Variants in RALGAPA2 observed in about 807,000 individuals in gnomAD.
RALGAPA2 encodes the protein ral GTPase-activating protein subunit alpha-2.
A neutral mutation model predicts 230.4 loss-of-function variants in RALGAPA2; 139 were observed. That is an observed-to-expected ratio of 0.60 (90% CI 0.53 to 0.69). RALGAPA2 has a LOEUF of 0.69. Ranked by LOEUF, RALGAPA2 falls within the 30% of genes least tolerant of loss-of-function variation. The probability of loss-of-function intolerance (pLI) is 0.00; values close to 1 mark genes in which losing one functional copy is unlikely to be tolerated. For synonymous variants in RALGAPA2, 847 were observed against 837.8 expected (o/e 1.01, Z -0.19); for missense variants, 2,163 against 2,276.0 (o/e 0.95, Z 1.01).
intron 26 of RALGAPA2, among the ~76,000 whole-genome samples, chr20:20,534,101 G>C (rs543613102): frequency 3.3e-5 from 5 of 152,058 alleles, no homozygotes. Context: ...TACACAAAAC[G>C]TGTCAGAGAT....
At chr20:20,488,863 A>G (rs1363821527) in intron 36 of RALGAPA2, among the ~76,000 whole-genome samples, 1 of 152,254 alleles carries the variant, frequency 6.6e-6, no homozygotes, top group Non-Finnish European at 1.5e-5. Context: ...AGTACCTGGC[A>G]TGAAGCAGCC....
At position 20,495,270 on chromosome 20, in the gene RALGAPA2, A is replaced by G; in HGVS notation, c.5214T>C (p.Arg1738=). The G allele has an allele frequency of 2.6e-6, 4 of 1,521,592 alleles. No individual in the cohort carries two copies. The South Asian group carries it at 3.8e-5, about 15-fold the overall frequency. 94.3% of individuals were successfully genotyped at this position (1,521,592 alleles called of 1,614,324 possible). A position where few individuals can be genotyped will look rare whatever the true frequency, so the allele number is the denominator to read the frequency against. ...TATGGACCTCGTCATTCCCCAAGTG[A>G]CGAAGCTGCAACAGCAAATTGACTG... ...DSDDSLTKKL[R]HLGNDEVHIV... The change falls in exon 36 of 40, where the codon CGT becomes CGC. Residue 1738 remains arginine (R), a synonymous_variant. Transcript: ENST00000202677.
rs1299248916 is a variant in RALGAPA2 at position 20,625,390 on chromosome 20, A to G, written c.1233+3973T>C. Among the ~76,000 whole-genome samples, 3 of 152,340 alleles carry G rather than the reference A, an allele frequency of 2.0e-5. No homozygotes were observed. The East Asian group carries it at 5.8e-4, about 29-fold the overall frequency. ...TGCTTTTGCTTTCTCCTCTATAATT[A>G]CATATACAGAGAGACTTTGTTTATC... On this transcript the variant is annotated intron_variant, in intron 10 of 39. Transcript: ENST00000202677.
At chr20:20,550,681 C>A (rs2063899105) in intron 23 of RALGAPA2, among the ~76,000 whole-genome samples, 1 of 152,316 alleles carries the variant, frequency 6.6e-6, no homozygotes, top group Admixed American at 6.5e-5. Context: ...CCTTGTGTGA[C>A]TGTGGGCAGA....
In RALGAPA2 at chr20:20,512,558, C is replaced by T. The variant is rs1372580171; in HGVS notation, c.4811G>A (p.Cys1604Tyr). 1 of 1,612,534 alleles carries T rather than the reference C, an allele frequency of 6.2e-7. No individual in the cohort carries two copies. Among genetic ancestry groups the T allele is most frequent in the South Asian group, 1.1e-5 (1 of 90,686 alleles). Reference protein sequence around the residue: ...PVEPRGPFYFCRLLLDDLGMN... With the variant: ...PVEPRGPFYFYRLLLDDLGMN... Reference sequence around the variant, plus strand: ...TCCCAAGTCATCAAGCAATAACCTGCAGAAATAAAAGGGTCCTCGGGGCTC... The same window carrying T: ...TCCCAAGTCATCAAGCAATAACCTGTAGAAATAAAAGGGTCCTCGGGGCTC... The change falls in exon 32 of 40, where the codon TGC (cysteine) becomes TAC (tyrosine). Residue 1604 changes from cysteine (C) to tyrosine (Y), a missense_variant. Coordinates refer to ENST00000202677, the MANE Select transcript of RALGAPA2 (RefSeq NM_020343.4).
intron 3 of RALGAPA2, among the ~76,000 whole-genome samples, chr20:20,663,164 G>C (rs1170867793): frequency 1.3e-5 from 2 of 152,256 alleles, no homozygotes; most frequent in African/African-American, 4.8e-5. Context: ...TGCTTAGCAG[G>C]ATACTCCACT....
At chr20:20,646,055 C>CTT (rs386393507) in intron 4 of RALGAPA2, among the ~76,000 whole-genome samples, 89 of 145,896 alleles carry the variant, frequency 6.1e-4, no homozygotes, top group Non-Finnish European at 1.7e-4. Context: ...CTCTGTAGGG[C>CTT]TTTTTTTTTT....
intron 3 of RALGAPA2, among the ~76,000 whole-genome samples, chr20:20,665,155 C>T (rs900001270): frequency 2.0e-5 from 3 of 152,170 alleles, no homozygotes; most frequent in African/African-American, 4.8e-5. Context: ...GAGAAAAAAG[C>T]TCTCTACATG....
At chr20:20,520,806 C>T in intron 31 of RALGAPA2, 111 bp downstream of exon 31, 1 of 937,688 alleles carries the variant, frequency 1.1e-6, no homozygotes, top group Non-Finnish European at 1.5e-6. Context: ...ACTCCAGGAA[C>T]TAGGATTTCA....
intron 13 of RALGAPA2, 67 bp downstream of exon 13, chr20:20,615,976 C>T: frequency 2.5e-6 from 3 of 1,193,976 alleles, no homozygotes; most frequent in South Asian, 2.2e-5. Context: ...CAAGCCTTAA[C>T]ATTTTAATTA....
intron 37 of RALGAPA2, among the ~76,000 whole-genome samples, chr20:20,438,227 T>C (rs565769356): frequency 6.6e-6 from 1 of 152,340 alleles, no homozygotes; most frequent in East Asian, 1.9e-4. Flanking sequence ...CGCATTATAT[T>C]GTTACCAGTG....
intron 20 of RALGAPA2, among the ~76,000 whole-genome samples, chr20:20,574,837 A>T: frequency 6.6e-6 from 1 of 152,176 alleles, no homozygotes; most frequent in South Asian, 2.1e-4. Context: ...TGGATTCCAC[A>T]TCTCCAACCT....
intron 36 of RALGAPA2, among the ~76,000 whole-genome samples, chr20:20,490,903 C>T (rs1216829060): frequency 6.6e-6 from 1 of 151,696 alleles, no homozygotes; most frequent in African/African-American, 2.4e-5. Flanking sequence ...CACTCACACT[C>T]ACTCACTCAC....
chr20:20,396,989 G>C (rs2059732981), intron 38 of RALGAPA2, among the ~76,000 whole-genome samples: 1 of 152,218 alleles, frequency 6.6e-6, no homozygotes, highest in Admixed American at 6.5e-5. Context: ...TGCAGACCTT[G>C]TCAGGATCTA....
chr20:20,405,348 C>A (rs1432477156), intron 38 of RALGAPA2, among the ~76,000 whole-genome samples: 1 of 152,152 alleles, frequency 6.6e-6, no homozygotes, highest in African/African-American at 2.4e-5. Flanking sequence ...AGACTTCAAG[C>A]TTCACAAGGG....
At chr20:20,624,588 A>C (rs2066433238) in intron 10 of RALGAPA2, among the ~76,000 whole-genome samples, 1 of 152,150 alleles carries the variant, frequency 6.6e-6, no homozygotes, top group African/African-American at 2.4e-5. Flanking sequence ...TAAATGTATA[A>C]TAAGATGAAA....
rs2063486559 is a variant in RALGAPA2 at position 20,535,937 on chromosome 20, A to G, written c.3415-134T>C. The G allele has an allele frequency of 6.7e-6, 9 of 1,350,150 alleles. No individual in the cohort carries two copies. In the South Asian group the frequency reaches 1.1e-4, roughly 16 times the overall value. 83.6% of individuals were successfully genotyped at this position (1,350,150 alleles called of 1,614,324 possible). On this transcript the variant is annotated intron_variant, in intron 25 of 39. Transcript: ENST00000202677. Reference sequence around the variant, plus strand: ...CTCAGAGAGCTCATCTATGAGTGAGAGCCTGGGGGGAAGAAGAACACTGGG... The same window carrying G: ...CTCAGAGAGCTCATCTATGAGTGAGGGCCTGGGGGGAAGAAGAACACTGGG...
chr20:20,642,101 C>A (rs148058266), intron 5 of RALGAPA2, among the ~76,000 whole-genome samples: 2,113 of 86,692 alleles, frequency 0.024, 14 homozygotes, highest in Non-Finnish European at 0.032. Flanking sequence ...GCCATCAGAC[C>A]GAGAGGGGAG....
rs1388399723 is a variant in RALGAPA2 at position 20,601,825 on chromosome 20, T to C, written c.2060A>G (p.Lys687Arg). 6.2e-7 allele frequency: 1 copy of C among 1,608,170 alleles called. No individual in the cohort carries two copies. Among genetic ancestry groups the C allele is most frequent in the South Asian group, 1.1e-5 (1 of 89,554 alleles). ...RGKGCVLDPQ[K>R]GTTVGRSFSL... The stretch of plus-strand genomic sequence containing the variant: ...AAAGGACCTCCCCACGGTGGTTCCT[T>C]TCTGAGGATCTAGAACACAGCCTGA... Residue 687 changes from lysine (K) to arginine (R), a missense_variant, in exon 16 of 40, where the codon AAA (lysine) becomes AGA (arginine). Lys to Arg is a conservative substitution (Grantham distance 26). Coordinates refer to ENST00000202677, the MANE Select transcript of RALGAPA2 (RefSeq NM_020343.4).
Sources: allele counts gnomAD v4.1 joint callset (sites outside exome capture counted in the v4.1 genomes callset), GRCh38; gene constraint gnomAD v4.1.1; transcripts MANE v1.5; gene names NCBI Gene and HGNC (gene_info 2026-07-23, HGNC 2026-07-21).